Variants in CASD1 observed in about 807,000 individuals in gnomAD.
CASD1 encodes N-acetylneuraminate (7)9-O-acetyltransferase.
A neutral mutation model predicts 100.0 loss-of-function variants in CASD1; 41 were observed. The ratio of observed to expected loss-of-function variants is 0.41; its 90% CI spans 0.32 to 0.53. The LOEUF (loss-of-function observed/expected upper bound fraction) is 0.53. Ranked by LOEUF, CASD1 falls within the 20% of genes least tolerant of loss-of-function variation. The pLI is 0.25. For missense variants in CASD1, 774 were observed against 948.7 expected (o/e 0.82, Z 2.42); for synonymous variants, 321 against 315.6 (o/e 1.02, Z -0.18).
chr7:94,528,989 C>G (rs1025562349), intron 5 of CASD1, among the ~76,000 whole-genome samples: 4 of 151,930 alleles, frequency 2.6e-5, no homozygotes, highest in African/African-American at 9.7e-5. Flanking sequence ...AGTATTGCAA[C>G]CACATCATAC....
the CASD1 span, chr7:94,622,554 AG>A: frequency 6.6e-6 from 1 of 151,782 alleles, no homozygotes; most frequent in Non-Finnish European, 1.5e-5. Context: ...ACCTGAACCC[AG>A]GAGGCGGAGG....
the CASD1 span, chr7:94,628,379 T>C: frequency 6.3e-7 from 1 of 1,578,376 alleles, no homozygotes; most frequent in Non-Finnish European, 8.7e-7. Flanking sequence ...AAACAGAGAA[T>C]TAAGACATAA....
At chr7:94,525,562 C>T (rs1006973083) in intron 3 of CASD1, among the ~76,000 whole-genome samples, 8 of 152,088 alleles carry the variant, frequency 5.3e-5, no homozygotes, top group Non-Finnish European at 7.4e-5. Context: ...AGAAAGAGAT[C>T]GAGTTGCATT....
the CASD1 span, among the ~76,000 whole-genome samples, chr7:94,607,561 A>G: frequency 2.0e-5 from 3 of 152,188 alleles, no homozygotes; most frequent in Non-Finnish European, 2.9e-5. Context: ...TGACAGCATC[A>G]TCAGATGCAG....
chr7:94,551,255 C>A, intron 14 of CASD1, 83 bp from the exon 15 acceptor site: 2 of 1,103,560 alleles, frequency 1.8e-6, no homozygotes, highest in Non-Finnish European at 1.3e-6. Context: ...TACTTTTATT[C>A]ATATATTCCT....
the CASD1 span, among the ~76,000 whole-genome samples, chr7:94,595,973 T>C: frequency 6.6e-6 from 1 of 152,158 alleles, no homozygotes; most frequent in Non-Finnish European, 1.5e-5. Context: ...AGAATAATCA[T>C]TGTGAACATC....
rs147491198 is a variant in CASD1, at chr7:94,523,336, A to T, written c.352-3826A>T. On this transcript the variant is annotated intron_variant, in intron 3 of 17. Coordinates refer to ENST00000297273, the MANE Select transcript of CASD1 (RefSeq NM_022900.5). ...GAAGTAATAAAGATTTTAACAAGGT[A>T]GCTGATAATAAGATGTACATACAAA... Among the ~76,000 whole-genome samples, 3 of 152,358 alleles carry T rather than the reference A, an allele frequency of 2.0e-5. No homozygotes were observed. In the East Asian group the frequency reaches 5.8e-4, roughly 29 times the overall value.
At chr7:94,545,851 C>A in intron 12 of CASD1, 150 bp downstream of exon 12, 1 of 506,122 alleles carries the variant, frequency 2.0e-6, no homozygotes, top group Non-Finnish European at 3.4e-6. Context: ...TGTTCTTAAA[C>A]GATATTTCTA....
chr7:94,517,480 G>T, intron 1 of CASD1, 80 bp from the exon 2 acceptor site: 1 of 813,016 alleles, frequency 1.2e-6, no homozygotes, highest in Admixed American at 2.5e-5. Flanking sequence ...TTTATTTCAA[G>T]GAACTTATAT....
intron 2 of CASD1, 48 bp from the exon 3 acceptor site, chr7:94,518,155 G>A: frequency 6.8e-7 from 1 of 1,464,310 alleles, no homozygotes; most frequent in Non-Finnish European, 9.0e-7. Flanking sequence ...GAAATGCCAG[G>A]ATGGCTGATT....
the CASD1 span, chr7:94,599,702 T>C: frequency 1.2e-6 from 2 of 1,609,608 alleles, no homozygotes; most frequent in East Asian, 2.2e-5. Context: ...CTTACTCTGG[T>C]GTTTGCATGT....
chr7:94,595,622 C>G, the CASD1 span, among the ~76,000 whole-genome samples: 1 of 152,068 alleles, frequency 6.6e-6, no homozygotes, highest in African/African-American at 2.4e-5. Context: ...CTTGAGAATT[C>G]AATTCAATCC....
chr7:94,624,665 C>G, the CASD1 span: 1 of 154,662 alleles, frequency 6.5e-6, no homozygotes, highest in Non-Finnish European at 1.4e-5. Flanking sequence ...GTTTGAGAAA[C>G]TTAATCATTT....
chr7:94,526,796 TAACA>T (rs1288907705), intron 3 of CASD1, among the ~76,000 whole-genome samples: 2 of 152,132 alleles, frequency 1.3e-5, no homozygotes, highest in Admixed American at 6.5e-5. Flanking sequence ...TGTCTCAGAA[TAACA>T]AACAAAATCA....
At chr7:94,600,330 C>T in the CASD1 span, 552 of 302,202 alleles carry the variant, frequency 1.8e-3, 1 homozygote, top group African/African-American at 3.8e-3. Flanking sequence ...GTAGATTCTG[C>T]AGTCTCTGCT....
chr7:94,530,165 G>A (rs1794778000), intron 5 of CASD1, among the ~76,000 whole-genome samples: 1 of 152,176 alleles, frequency 6.6e-6, no homozygotes, highest in Admixed American at 6.5e-5. Context: ...AGCCCTAAGT[G>A]TATTTTTCTT....
chr7:94,629,396 T>C, the CASD1 span: 1 of 264,120 alleles, frequency 3.8e-6, no homozygotes, highest in African/African-American at 2.3e-5. Context: ...ATGTACTATG[T>C]GAGAATCTAG....
intron 10 of CASD1, 64 bp from the exon 11 acceptor site, chr7:94,544,344 CTTG>C (rs1795566079): frequency 1.3e-6 from 2 of 1,554,830 alleles, no homozygotes; most frequent in Non-Finnish European, 8.8e-7. Flanking sequence ...GTTAAATGTA[CTTG>C]TTATGATAAT....
chr7:94,577,800 A>G, the CASD1 span, among the ~76,000 whole-genome samples: 2 of 152,328 alleles, frequency 1.3e-5, no homozygotes, highest in African/African-American at 2.4e-5. Flanking sequence ...AAATGTTTTT[A>G]TACTGGGAGA....
Sources: gnomAD v4.1 joint callset for allele counts (sites outside exome capture counted in the v4.1 genomes callset) on GRCh38, gnomAD v4.1.1 for gene constraint, MANE v1.5 for transcripts, NCBI Gene and HGNC (gene_info 2026-07-23, HGNC 2026-07-21) for gene names.